LRIG3: variants seen among roughly 807,000 people sequenced by gnomAD.
LRIG3 encodes leucine rich repeats and immunoglobulin like domains 3, also known as leucine-rich repeats and immunoglobulin-like domains protein 3.
In LRIG3, 76 loss-of-function variants were observed where a neutral mutation model predicts 114.5. The ratio of observed to expected loss-of-function variants is 0.66; its 90% CI spans 0.55 to 0.80. LRIG3 has a LOEUF of 0.80. Among genes scored for constraint, LRIG3 ranks in the 30% least tolerant of loss-of-function variants. LRIG3 has a pLI of 0.00. For synonymous variants in LRIG3, 512 were observed against 519.8 expected (o/e 0.98, Z 0.20); for missense variants, 1,239 against 1,382.8 (o/e 0.90, Z 1.65).
chr12:58,897,735 G>A (rs1357028010), intron 3 of LRIG3, among the ~76,000 whole-genome samples: 1 of 152,128 alleles, frequency 6.6e-6, no homozygotes, highest in Non-Finnish European at 1.5e-5. Context: ...GAAGACAACA[G>A]GATAAAGAAA....
At position 58,904,015 on chromosome 12, in the gene LRIG3, G is replaced by T. The variant is rs1017076806; in HGVS notation, c.383+9967C>A. ...CAGGTAGCATGATGCCTCCAGCTTT[G>T]TTCTTTTGGCTTAGGATTGACTTGG... On this transcript the variant is annotated intron_variant, in intron 3 of 18. Coordinates refer to ENST00000320743, the MANE Select transcript of LRIG3 (RefSeq NM_153377.5). Among the ~76,000 whole-genome samples the T allele has an allele frequency of 3.9e-5, 6 of 152,092 alleles. No individual in the cohort carries two copies. In the East Asian group the frequency reaches 1.2e-3, roughly 29 times the overall value.
In LRIG3 at chr12:58,877,525, CCGTCAT is replaced by C; in HGVS notation, c.2405_2410del (p.Asp802_Asp803del). On this transcript the variant is annotated inframe_deletion, in exon 15 of 19. Transcript: ENST00000320743. Reference sequence around the variant, plus strand: ...GATCACGACACCCACAGTGGCCCATCCGTCATCGTCTAACGATGGGGCTGTCATCTG... The same window carrying C: ...GATCACGACACCCACAGTGGCCCATCCGTCTAACGATGGGGCTGTCATCTG... 1 of 1,614,222 alleles carries C rather than the reference CCGTCAT, an allele frequency of 6.2e-7. No homozygotes were observed. The highest frequency in any genetic ancestry group is 2.2e-5 in the East Asian group (1 of 44,882).
At chr12:58,911,999 G>A (rs919801113) in intron 3 of LRIG3, among the ~76,000 whole-genome samples, 1 of 152,220 alleles carries the variant, frequency 6.6e-6, no homozygotes, top group South Asian at 2.1e-4. Context: ...TATGTGAGAC[G>A]AACAAAGCAA....
chr12:58,879,767 C>T (rs1403321621), intron 13 of LRIG3, among the ~76,000 whole-genome samples: 4 of 152,340 alleles, frequency 2.6e-5, no homozygotes, highest in Non-Finnish European at 4.4e-5. Context: ...AGCCATTTTG[C>T]TACATCCTTT....
At chr12:58,892,168 C>G (rs932064812) in intron 3 of LRIG3, among the ~76,000 whole-genome samples, 3 of 152,140 alleles carry the variant, frequency 2.0e-5, no homozygotes, top group African/African-American at 7.2e-5. Flanking sequence ...GATGTGCAAG[C>G]CATCATAATT....
At position 58,874,102 on chromosome 12, in the gene LRIG3, C is replaced by T. The variant is rs752390327; in HGVS notation, c.3068G>A (p.Ser1023Asn). Residue 1023 changes from serine to asparagine, a missense_variant, in exon 18 of 19, where the codon AGT (serine) becomes AAT (asparagine). Coordinates refer to ENST00000320743, the MANE Select transcript of LRIG3 (RefSeq NM_153377.5). Reference sequence around the variant, plus strand: ...AACCGACGCTGGCTCTGGATTTGCACTAAAATCTAAAGAGGACTTGTTTAG... The same window carrying T: ...AACCGACGCTGGCTCTGGATTTGCATTAAAATCTAAAGAGGACTTGTTTAG... Reference protein sequence around the residue: ...LCLNKSSLDFSANPEPASVAS... With the variant: ...LCLNKSSLDFNANPEPASVAS... 34 of 1,614,074 alleles carry T rather than the reference C, an allele frequency of 2.1e-5. No homozygotes were observed. The highest frequency in any genetic ancestry group is 1.6e-4 in the Middle Eastern group (1 of 6,084).
At chr12:58,912,337 A>G (rs749433992) in intron 3 of LRIG3, among the ~76,000 whole-genome samples, 3 of 152,146 alleles carry the variant, frequency 2.0e-5, no homozygotes, top group Non-Finnish European at 4.4e-5. Context: ...TCTACTAAAA[A>G]TACAAAAAAC....
At chr12:58,897,991 C>T (rs1329984465) in intron 3 of LRIG3, among the ~76,000 whole-genome samples, 2 of 152,116 alleles carry the variant, frequency 1.3e-5, no homozygotes, top group Admixed American at 6.5e-5. Flanking sequence ...CGAATGGGTA[C>T]AAGACCCCAG....
rs1211389897 is a variant in LRIG3 at position 58,914,313 on chromosome 12, G to A, written c.260C>T (p.Ser87Phe). The A allele has an allele frequency of 6.2e-7, 1 of 1,613,766 alleles. No homozygotes were observed. Among genetic ancestry groups the A allele is most frequent in the African/African-American group, 1.3e-5 (1 of 75,026 alleles). The stretch of plus-strand genomic sequence containing the variant: ...GCTCATGGAACTTGCCTTGATGAAA[G>A]ATAATCTGTTGTGACTTAAGTCCCT... ...ARLDLSHNRL[S>F]FIKASSMSHL... The change falls in exon 2 of 19, where the codon TCT becomes TTT. Residue 87 changes from serine (S) to phenylalanine (F), a missense_variant. Physicochemically the swap from Ser to Phe is radical, Grantham distance 155. Transcript: ENST00000320743.
intron 3 of LRIG3, among the ~76,000 whole-genome samples, chr12:58,892,369 C>G (rs576302874): frequency 6.6e-6 from 1 of 152,188 alleles, no homozygotes; most frequent in Non-Finnish European, 1.5e-5. Flanking sequence ...TGTTTGTACA[C>G]GGTCTGCAGT....
At chr12:58,896,501 A>G (rs758654252) in intron 3 of LRIG3, among the ~76,000 whole-genome samples, 7 of 152,188 alleles carry the variant, frequency 4.6e-5, no homozygotes, top group South Asian at 4.1e-4. Context: ...TGAATAATGT[A>G]TATCTGTCAA....
chr12:58,888,561 T>C, intron 6 of LRIG3, 89 bp from the exon 7 acceptor site: 1 of 1,499,642 alleles, frequency 6.7e-7, no homozygotes, highest in East Asian at 2.3e-5. Context: ...CTATTACAGA[T>C]TCCTATTGTT....
chr12:58,873,203 A>G (rs752478203), intron 18 of LRIG3, among the ~76,000 whole-genome samples: 19 of 152,118 alleles, frequency 1.2e-4, no homozygotes, highest in Non-Finnish European at 2.8e-4. Context: ...AAATAAAGAA[A>G]TTTTCTTTCA....
intron 3 of LRIG3, among the ~76,000 whole-genome samples, chr12:58,893,825 C>T (rs1307428008): frequency 1.3e-5 from 2 of 152,154 alleles, no homozygotes; most frequent in African/African-American, 4.8e-5. Context: ...CTCCCCTATC[C>T]CTAGCCCTAT....
At chr12:58,873,868 C>T (rs892249718) in intron 18 of LRIG3, 187 bp downstream of exon 18, 5 of 662,652 alleles carry the variant, frequency 7.5e-6, no homozygotes, top group African/African-American at 5.4e-5. Flanking sequence ...TTAAACACAT[C>T]ATCAAGTAAA....
In LRIG3 at chr12:58,914,321, G is replaced by A. The variant is rs968225455; in HGVS notation, c.252C>T (p.Asn84=). Residue 84 remains asparagine, a synonymous_variant, in exon 2 of 19, where the codon AAC becomes AAT. Coordinates refer to ENST00000320743, the MANE Select transcript of LRIG3 (RefSeq NM_153377.5). ...AACTTGCCTTGATGAAAGATAATCTGTTGTGACTTAAGTCCCTATAAGAAA... is the reference window on the plus strand; with the variant it reads ...AACTTGCCTTGATGAAAGATAATCTATTGTGACTTAAGTCCCTATAAGAAA... ...SWVARLDLSH[N]RLSFIKASSM... 1.2e-6 allele frequency: 2 copies of A among 1,613,388 alleles called. No individual in the cohort carries two copies. The highest frequency in any genetic ancestry group is 1.7e-6 in the Non-Finnish European group (2 of 1,179,580).
In LRIG3 at chr12:58,872,777, G is replaced by A; in HGVS notation, c.3155C>T (p.Ala1052Val). 1.2e-6 allele frequency: 2 copies of A among 1,613,982 alleles called. No individual in the cohort carries two copies. Among genetic ancestry groups the A allele is most frequent in the South Asian group, 1.1e-5 (1 of 91,062 alleles). The stretch of plus-strand genomic sequence containing the variant: ...TGATGGCTGTCCAAAGCTTGAATAG[G>A]CATCTAGGTGAGGTCTCCTGAGAGC... ...GKALRRPHLD[A>V]YSSFGQPSDC... Residue 1052 changes from alanine to valine, a missense_variant, in exon 19 of 19, where the codon GCC (alanine) becomes GTC (valine). Transcript: ENST00000320743.
intron 10 of LRIG3, 30 bp from the exon 11 acceptor site, chr12:58,883,621 A>G: frequency 6.7e-7 from 1 of 1,490,370 alleles, no homozygotes; most frequent in Non-Finnish European, 9.1e-7. Context: ...AATGCATCAG[A>G]GCAAACTACC....
At chr12:58,908,462 A>G (rs1256322506) in intron 3 of LRIG3, among the ~76,000 whole-genome samples, 2 of 152,192 alleles carry the variant, frequency 1.3e-5, no homozygotes. Context: ...GTGGGCTGAG[A>G]TATTCATGCT....
Sources: allele counts gnomAD v4.1 joint callset (sites outside exome capture counted in the v4.1 genomes callset), GRCh38; gene constraint gnomAD v4.1.1; transcripts MANE v1.5; gene names NCBI Gene and HGNC (gene_info 2026-07-23, HGNC 2026-07-21).